ELAVL3: variants seen among roughly 807,000 people sequenced by gnomAD.
ELAVL3 encodes the protein ELAV like RNA binding protein 3, also known as ELAV-like protein 3.
In ELAVL3, 8 loss-of-function variants were observed where a neutral mutation model predicts 34.2. The ratio of observed to expected loss-of-function variants is 0.23; its 90% CI spans 0.14 to 0.42. The LOEUF is 0.42. Ranked by LOEUF, ELAVL3 falls within the 10% of genes least tolerant of loss-of-function variation. The pLI is 1.00. For missense variants in ELAVL3, 273 were observed against 518.8 expected (o/e 0.53, Z 4.60); for synonymous variants, 209 against 222.1 (o/e 0.94, Z 0.53).
Position 11,464,163 on chromosome 19 carries a change from ATATATTTT to A in ELAVL3, c.333+2001_333+2008del, listed in dbSNP as rs201067281. On this transcript the variant is annotated intron_variant, in intron 3 of 6. Coordinates refer to ENST00000359227, the MANE Select transcript of ELAVL3 (RefSeq NM_001420.4). ...TCTCTCTCTCTCTCTATATATATATATATATTTTTTTTTTTTTTAGACAGGGTCTTGCT... is the reference window on the plus strand; with the variant it reads ...TCTCTCTCTCTCTCTATATATATATATTTTTTTTTTAGACAGGGTCTTGCT... 6.9e-3 allele frequency among the ~76,000 whole-genome samples: 741 copies of A among 107,570 alleles called. 15 individuals are homozygous for A. Among genetic ancestry groups the A allele is most frequent in the African/African-American group, 0.037 (709 of 18,908 alleles). 70.6% of individuals were successfully genotyped at this position (107,570 alleles called of 152,430 possible). A position where few individuals can be genotyped will look rare whatever the true frequency, so the allele number is the denominator to read the frequency against.
rs1371893558 is a variant in ELAVL3 at position 11,466,152 on chromosome 19, T to C, written c.333+20A>G. 6.8e-6 allele frequency: 11 copies of C among 1,610,776 alleles called. 1 individual carries two copies. The highest frequency in any genetic ancestry group is 2.7e-5 in the African/African-American group (2 of 74,744). ...AGTTGGGGTGGGCGGTCATGGGGGATTGGAGAAGGAGGCACCAACCTTGAT... is the reference window on the plus strand; with the variant it reads ...AGTTGGGGTGGGCGGTCATGGGGGACTGGAGAAGGAGGCACCAACCTTGAT... On this transcript the variant is annotated intron_variant, in intron 3 of 6. Transcript: ENST00000359227. This position sits in a 1 kb window ranked among gnomAD's most constrained non-coding sequence, Gnocchi z 5.0.
Position 11,480,695 on chromosome 19 carries a change from G to T in ELAVL3, c.-87C>A, listed in dbSNP as rs1391591867. The T allele has an allele frequency of 1.6e-6, 2 of 1,279,208 alleles. No homozygotes were observed. Among genetic ancestry groups the T allele is most frequent in the African/African-American group, 1.5e-5 (1 of 65,360 alleles). 79.2% of individuals were successfully genotyped at this position (1,279,208 alleles called of 1,614,324 possible). A position where few individuals can be genotyped will look rare whatever the true frequency, so the allele number is the denominator to read the frequency against. ...GGGGGGCGCCCGATGCTCACGCTGG[G>T]GTCCCGCCCGGGCGGCCTCTGGTGC... On this transcript the variant is annotated 5_prime_UTR_variant, in exon 1 of 7. Coordinates refer to ENST00000359227, the MANE Select transcript of ELAVL3 (RefSeq NM_001420.4). This position sits in a 1 kb window ranked among gnomAD's most constrained non-coding sequence, Gnocchi z 6.8.
intron 1 of ELAVL3, among the ~76,000 whole-genome samples, chr19:11,468,413 A>ATT (rs761406195): frequency 0.012 from 1,574 of 128,888 alleles, 30 homozygotes; most frequent in African/African-American, 0.042. Flanking sequence ...TTTATTCCTG[A>ATT]TTTTTTTTTT....
At chr19:11,465,377 TACAC>T (rs1162837893) in intron 3 of ELAVL3, among the ~76,000 whole-genome samples, 1 of 148,362 alleles carries the variant, frequency 6.7e-6, no homozygotes, top group Non-Finnish European at 1.5e-5. Context: ...CACATATACA[TACAC>T]ACATACACAC....
At chr19:11,463,595 C>G in intron 3 of ELAVL3, among the ~76,000 whole-genome samples, 1 of 152,128 alleles carries the variant, frequency 6.6e-6, no homozygotes, top group Non-Finnish European at 1.5e-5. Flanking sequence ...ACACAAACAT[C>G]CTGCCAGAGC....
intron 6 of ELAVL3, among the ~76,000 whole-genome samples, chr19:11,456,417 C>G (rs755437790): frequency 2.0e-5 from 3 of 151,646 alleles, no homozygotes; most frequent in Admixed American, 1.3e-4. Flanking sequence ...GTTACCCCTT[C>G]TACTTCACAG....
chr19:11,480,536 C>G lies in ELAVL3; in HGVS notation c.9+64G>C, dbSNP rs1971357082. On this transcript the variant is annotated intron_variant, in intron 1 of 6. Coordinates refer to ENST00000359227, the MANE Select transcript of ELAVL3 (RefSeq NM_001420.4). The surrounding 1 kb of genome is among the most constrained non-coding windows in gnomAD (Gnocchi z 6.8). ...CCCCCCCGCCGCACCCGCCCAATCTCCGCGGAGCCTGGGCCCAACTCCTCC... is the reference window on the plus strand; with the variant it reads ...CCCCCCCGCCGCACCCGCCCAATCTGCGCGGAGCCTGGGCCCAACTCCTCC... 6 of 1,469,932 alleles carry G rather than the reference C, an allele frequency of 4.1e-6. No individual in the cohort carries two copies. The East Asian group carries it at 1.4e-4, about 34-fold the overall frequency. The allele number at this position is 1,469,932 out of a possible 1,614,324, so 91.1% of individuals were successfully genotyped here.
Position 11,454,396 on chromosome 19 carries a change from G to A in ELAVL3, c.*130C>T, listed in dbSNP as rs901135573. On this transcript the variant is annotated 3_prime_UTR_variant, in exon 7 of 7. Coordinates refer to ENST00000359227, the MANE Select transcript of ELAVL3 (RefSeq NM_001420.4). This position sits in a 1 kb window ranked among gnomAD's most constrained non-coding sequence, Gnocchi z 9.2. Reference sequence around the variant, plus strand: ...CTCACCCTGTGGCTTCCGCAGGGACGTGGGGCCCTCGCGTCGTCCGTGGGG... The same window carrying A: ...CTCACCCTGTGGCTTCCGCAGGGACATGGGGCCCTCGCGTCGTCCGTGGGG... The A allele has an allele frequency of 1.3e-5, 12 of 920,132 alleles. No individual in the cohort carries two copies. Among genetic ancestry groups the A allele is most frequent in the South Asian group, 1.8e-5 (1 of 57,082 alleles). 57.0% of individuals were successfully genotyped at this position (920,132 alleles called of 1,614,324 possible).
At chr19:11,461,173 T>C (rs1170858915) in intron 3 of ELAVL3, among the ~76,000 whole-genome samples, 1 of 151,226 alleles carries the variant, frequency 6.6e-6, no homozygotes, top group Non-Finnish European at 1.5e-5. Flanking sequence ...AGCAAGACCC[T>C]GTCTCTAAAA....
chr19:11,471,569 C>T (rs770429149), intron 1 of ELAVL3, among the ~76,000 whole-genome samples: 10 of 151,836 alleles, frequency 6.6e-5, no homozygotes, highest in African/African-American at 1.7e-4. Flanking sequence ...GCTGAGATCG[C>T]GCCATTGCAC....
chr19:11,454,462 TC>T lies in ELAVL3; in HGVS notation c.*63del. On this transcript the variant is annotated 3_prime_UTR_variant, in exon 7 of 7. Coordinates refer to ENST00000359227, the MANE Select transcript of ELAVL3 (RefSeq NM_001420.4). This position sits in a 1 kb window ranked among gnomAD's most constrained non-coding sequence, Gnocchi z 9.2. ...CTCTTGGGCCCCTTCTCTCTCTCTC[TC>T]TCTCTTTCTCTCTCTCTCTCTCTGC... is the stretch of plus-strand genomic sequence containing the variant. 7 of 1,391,952 alleles carry T rather than the reference TC, an allele frequency of 5.0e-6. No homozygotes were observed. The highest frequency in any genetic ancestry group is 1.4e-5 in the South Asian group (1 of 70,496). 86.2% of individuals were successfully genotyped at this position (1,391,952 alleles called of 1,614,324 possible).
chr19:11,476,593 G>A (rs1971267739), intron 1 of ELAVL3, among the ~76,000 whole-genome samples: 2 of 151,932 alleles, frequency 1.3e-5, no homozygotes, highest in African/African-American at 4.8e-5. Context: ...TTGCATAGGC[G>A]GCAAATGGTG....
chr19:11,464,123 G>GTCTCTCTCTGTCTC (rs1317749325), intron 3 of ELAVL3, among the ~76,000 whole-genome samples: 190 of 110,916 alleles, frequency 1.7e-3, no homozygotes, highest in African/African-American at 5.9e-3. Flanking sequence ...GTCTCTCTCT[G>GTCTCTCTCTGTCTC]TCTCTCTCTC....
chr19:11,456,099 C>T (rs1193558287), intron 6 of ELAVL3, among the ~76,000 whole-genome samples: 1 of 151,948 alleles, frequency 6.6e-6, no homozygotes, highest in Non-Finnish European at 1.5e-5. Context: ...GTCTCCGTCA[C>T]CCCTTCTTTT....
Position 11,458,049 on chromosome 19 carries a change from C to A in ELAVL3, c.713+12G>T. The A allele has an allele frequency of 6.2e-7, 1 of 1,609,508 alleles. No homozygotes were observed. The highest frequency in any genetic ancestry group is 8.5e-7 in the Non-Finnish European group (1 of 1,179,828). On this transcript the variant is annotated intron_variant, in intron 5 of 6. Transcript: ENST00000359227. This position sits in a 1 kb window ranked among gnomAD's most constrained non-coding sequence, Gnocchi z 7.3. ...ACCCGGCCTGGGGCCATCTGGCTGG[C>A]AGGGGGCTCACCGGAAACGCTGGGT...
chr19:11,463,319 A>T (rs954757757), intron 3 of ELAVL3, among the ~76,000 whole-genome samples: 1 of 152,152 alleles, frequency 6.6e-6, no homozygotes, highest in African/African-American at 2.4e-5. Flanking sequence ...CTGACCGCGC[A>T]ACACCGTCAC....
At position 11,466,012 on chromosome 19, in the gene ELAVL3, C is replaced by A. The variant is rs926618361; in HGVS notation, c.333+160G>T. Among the ~76,000 whole-genome samples, 7 of 152,082 alleles carry A rather than the reference C, an allele frequency of 4.6e-5. No homozygotes were observed. The highest frequency in any genetic ancestry group is 2.0e-4 in the Admixed American group (3 of 15,264). ...AGAGAGGGAAAGCCATTGCCCCCAC[C>A]CCAGCTAGGAAGTCTTGGAGGGGAG... On this transcript the variant is annotated intron_variant, in intron 3 of 6. Coordinates refer to ENST00000359227, the MANE Select transcript of ELAVL3 (RefSeq NM_001420.4). This position sits in a 1 kb window ranked among gnomAD's most constrained non-coding sequence, Gnocchi z 5.0.
intron 6 of ELAVL3, among the ~76,000 whole-genome samples, chr19:11,456,395 C>T (rs1390907518): frequency 1.3e-5 from 2 of 152,146 alleles, no homozygotes; most frequent in East Asian, 3.9e-4. Flanking sequence ...TGAGCCACCG[C>T]GCCCGGCCTC....
At chr19:11,465,293 C>A (rs868293856) in intron 3 of ELAVL3, among the ~76,000 whole-genome samples, 10 of 120,718 alleles carry the variant, frequency 8.3e-5, no homozygotes, top group Admixed American at 4.5e-4. Context: ...ACACACACAC[C>A]ACACACACAC....
Sources: allele counts gnomAD v4.1 joint callset (sites outside exome capture counted in the v4.1 genomes callset), GRCh38; gene constraint gnomAD v4.1.1; non-coding constraint Gnocchi (gnomAD v3.1); transcripts MANE v1.5; gene names NCBI Gene and HGNC (gene_info 2026-07-23, HGNC 2026-07-21).